Variants in PIN4 observed in about 807,000 individuals in gnomAD.
The protein encoded by PIN4 is peptidyl-prolyl cis-trans isomerase NIMA-interacting 4.
A neutral mutation model predicts 8.3 loss-of-function variants in PIN4; 3 were observed. The ratio of observed to expected loss-of-function variants is 0.36; its 90% CI spans 0.16 to 0.93. PIN4 has a LOEUF of 0.93. Ranked by LOEUF, PIN4 falls within the 40% of genes least tolerant of loss-of-function variation. PIN4 has a pLI of 0.44. For synonymous variants in PIN4, 18 were observed against 32.5 expected (o/e 0.55, Z 1.52); for missense variants, 75 against 100.6 (o/e 0.75, Z 1.09).
At position 72,210,202 on chromosome X, in the gene PIN4, A is replaced by AAAT. The variant is rs2042845642; in HGVS notation, c.312+13300_312+13301insTAA. On this transcript the variant is annotated intron_variant, in intron 3 of 3. Coordinates refer to the PIN4 transcript ENST00000423432. ...ATAACATAGCGAGACTGTCTCTTAA[A>AAAT]AAATAAATAAATAAATAAATAAATA... 2.0e-4 allele frequency among the ~76,000 whole-genome samples: 19 copies of AAAT among 97,190 alleles called. No individual in the cohort carries two copies. In the South Asian group the frequency reaches 3.0e-3, roughly 15 times the overall value. 84.4% of individuals were successfully genotyped at this position (97,190 alleles called of 115,157 possible).
intron 3 of PIN4, among the ~76,000 whole-genome samples, chrX:72,257,252 C>T (rs777334834): frequency 2.2e-4 from 25 of 111,647 alleles, no homozygotes; most frequent in Non-Finnish European, 3.6e-4. Flanking sequence ...ATCCAGGAAG[C>T]GGAGGTTGCA....
At chrX:72,223,280 C>T (rs1377450591) in intron 3 of PIN4, among the ~76,000 whole-genome samples, 3 of 97,423 alleles carry the variant, frequency 3.1e-5, no homozygotes, top group Non-Finnish European at 4.1e-5. Flanking sequence ...GCGGAGGTTG[C>T]GGTGAGCTGA....
At chrX:72,219,449 GA>G (rs1411904049) in intron 3 of PIN4, among the ~76,000 whole-genome samples, 1 of 109,576 alleles carries the variant, frequency 9.1e-6, no homozygotes, top group South Asian at 4.0e-4. Flanking sequence ...AGCTACTCAG[GA>G]GGCAGAGGCA....
chrX:72,206,564 C>G (rs760051206), intron 3 of PIN4: 1 of 1,211,516 alleles, frequency 8.3e-7, no homozygotes, highest in Non-Finnish European at 1.1e-6. Flanking sequence ...GAAGGAAATA[C>G]AGGTTCTCTT....
chrX:72,196,199 C>T (rs1010704466), intron 2 of PIN4, among the ~76,000 whole-genome samples: 6 of 110,909 alleles, frequency 5.4e-5, no homozygotes, highest in African/African-American at 1.6e-4. Flanking sequence ...CAACCCGTAT[C>T]GTGTTTCCTC....
chrX:72,259,432 C>T (rs2984357), intron 3 of PIN4, among the ~76,000 whole-genome samples: 1 of 109,764 alleles, frequency 9.1e-6, no homozygotes, highest in African/African-American at 3.3e-5. Flanking sequence ...GTTGGTCAGA[C>T]TGGTCTCGAA....
At chrX:72,251,810 TTGGGAGGCTGAAG>T (rs765284399) in intron 3 of PIN4, among the ~76,000 whole-genome samples, 43 of 110,622 alleles carry the variant, frequency 3.9e-4, no homozygotes, top group Non-Finnish European at 6.2e-4. Flanking sequence ...TCTCAGCACT[TTGGGAGGCTGAAG>T]TGGGAGGCTG....
At chrX:72,253,657 G>A (rs1449349485) in intron 3 of PIN4, among the ~76,000 whole-genome samples, 2 of 108,869 alleles carry the variant, frequency 1.8e-5, no homozygotes, top group East Asian at 5.8e-4. Flanking sequence ...AAATCAACGC[G>A]GGGCGTGGTG....
At chrX:72,207,033 A>G (rs752769595) in intron 3 of PIN4, 28 of 1,211,662 alleles carry the variant, frequency 2.3e-5, no homozygotes, top group Non-Finnish European at 3.0e-5. Flanking sequence ...AAACCACAAC[A>G]TTCTCTTTTT....
chrX:72,205,377 C>G, intron 3 of PIN4: 1 of 1,211,975 alleles, frequency 8.3e-7, no homozygotes, highest in African/African-American at 1.7e-5. Flanking sequence ...TTTCCTCCAC[C>G]CCTTCTTCTG....
At chrX:72,246,942 C>T (rs1023039986) in intron 3 of PIN4, among the ~76,000 whole-genome samples, 5 of 111,881 alleles carry the variant, frequency 4.5e-5, no homozygotes, top group African/African-American at 1.6e-4. Flanking sequence ...CACAGTTATA[C>T]CCTCGCAGAG....
At chrX:72,234,342 C>T (rs1400626812) in intron 3 of PIN4, among the ~76,000 whole-genome samples, 1 of 111,368 alleles carries the variant, frequency 9.0e-6, no homozygotes. Flanking sequence ...TACTACTGGT[C>T]GAGGTAGATG....
chrX:72,190,635 C>G (rs1193140101), intron 2 of PIN4, among the ~76,000 whole-genome samples: 6 of 110,719 alleles, frequency 5.4e-5, no homozygotes, highest in African/African-American at 2.0e-4. Flanking sequence ...TAGCTTGGCT[C>G]AAATTTGAAA....
intron 3 of PIN4, among the ~76,000 whole-genome samples, chrX:72,203,808 G>A (rs970534671): frequency 8.9e-6 from 1 of 111,795 alleles, no homozygotes; most frequent in Admixed American, 9.5e-5. Flanking sequence ...TGAGAAACCT[G>A]TGTGGAGTGC....
intron 3 of PIN4, among the ~76,000 whole-genome samples, chrX:72,242,812 G>A (rs949906183): frequency 4.5e-5 from 5 of 111,596 alleles, no homozygotes; most frequent in Middle Eastern, 4.6e-3. Context: ...TCAGGAGTTC[G>A]AGACCAGCCT....
chrX:72,216,329 T>C (rs1211829213), intron 3 of PIN4, among the ~76,000 whole-genome samples: 1 of 111,252 alleles, frequency 9.0e-6, no homozygotes, highest in African/African-American at 3.3e-5. Flanking sequence ...AACAGATTAT[T>C]TCTCAGTCTC....
chrX:72,255,419 G>A (rs775727854), intron 3 of PIN4, among the ~76,000 whole-genome samples: 1 of 109,412 alleles, frequency 9.1e-6, no homozygotes, highest in South Asian at 4.0e-4. Flanking sequence ...TCATCCCCGT[G>A]TCACCGACAG....
At chrX:72,229,431 A>G (rs751193479) in intron 3 of PIN4, among the ~76,000 whole-genome samples, 2 of 111,690 alleles carry the variant, frequency 1.8e-5, no homozygotes, top group Non-Finnish European at 3.8e-5. Flanking sequence ...CTATTGCATT[A>G]AATGTGTAAA....
chrX:72,207,351 C>T (rs2042826247), intron 3 of PIN4: 1 of 1,209,713 alleles, frequency 8.3e-7, no homozygotes, highest in African/African-American at 1.8e-5. Flanking sequence ...CCTCATCTCG[C>T]AGCCTCTTAA....
Sources: gnomAD v4.1 joint callset for allele counts (sites outside exome capture counted in the v4.1 genomes callset) on GRCh38, gnomAD v4.1.1 for gene constraint, MANE v1.5 for transcripts, NCBI Gene and HGNC (gene_info 2026-07-23, HGNC 2026-07-21) for gene names.